HEPHL1: variants seen among roughly 807,000 people sequenced by gnomAD.
HEPHL1 encodes the protein hephaestin like 1, also known as ferroxidase HEPHL1.
In HEPHL1, 123 loss-of-function variants were observed where a neutral mutation model predicts 122.0. That is an observed-to-expected ratio of 1.01 (90% confidence interval 0.87 to 1.17). HEPHL1 has a LOEUF of 1.17. Ranked by LOEUF, HEPHL1 falls within the 50% of genes most tolerant of loss-of-function variation. HEPHL1 has a pLI of 0.00. For synonymous variants in HEPHL1, 527 were observed against 508.9 expected, an observed-to-expected ratio of 1.04 and a Z score of -0.48; for missense variants, 1,452 against 1,430.5, an observed-to-expected ratio of 1.01 and a Z score of -0.24.
intron 2 of HEPHL1, among the ~76,000 whole-genome samples, chr11:94,052,027 T>C (rs1252880488): frequency 6.6e-6 from 1 of 152,112 alleles, no homozygotes; most frequent in Non-Finnish European, 1.5e-5. Context: ...TACCATGCCA[T>C]TTGGGTTACT....
chr11:94,062,217 T>G (rs1004499116), intron 2 of HEPHL1, among the ~76,000 whole-genome samples: 2 of 152,186 alleles, frequency 1.3e-5, no homozygotes, highest in African/African-American at 4.8e-5. Flanking sequence ...CAAATTTGAC[T>G]CAAGAACATG....
intron 11 of HEPHL1, 90 bp from the exon 12 acceptor site, chr11:94,088,665 T>G (rs1021997390): frequency 2.2e-5 from 22 of 977,810 alleles, no homozygotes; most frequent in African/African-American, 8.2e-5. Flanking sequence ...CTGGTTATTT[T>G]GTAATAAAAT....
intron 2 of HEPHL1, chr11:94,055,229 G>A: frequency 3.7e-6 from 1 of 268,284 alleles, no homozygotes; most frequent in Non-Finnish European, 7.5e-6. Context: ...TTTTTCTGCT[G>A]CTCAGATTTT....
intron 9 of HEPHL1, among the ~76,000 whole-genome samples, chr11:94,080,066 C>T (rs985388647): frequency 1.3e-5 from 2 of 152,132 alleles, no homozygotes; most frequent in African/African-American, 4.8e-5. Flanking sequence ...CTACAGTAAC[C>T]AAAACAGCAT....
intron 2 of HEPHL1, among the ~76,000 whole-genome samples, chr11:94,058,593 G>T (rs890814023): frequency 6.6e-6 from 1 of 152,308 alleles, no homozygotes; most frequent in Non-Finnish European, 1.5e-5. Context: ...GCTAATGCCT[G>T]AGCCAGACCT....
rs1945742680 is a variant in HEPHL1 at position 94,038,120 on chromosome 11, G to A, written c.171-7553G>A. Among the ~76,000 whole-genome samples, 6 of 150,806 alleles carry A rather than the reference G, an allele frequency of 4.0e-5. No homozygotes were observed. The South Asian group carries it at 1.3e-3, about 32-fold the overall frequency. ...CGATCGACTGGAAGAAAGGGTATCAGCAATGGAAGATGAAATGAATGAAAT... is the reference window on the plus strand; with the variant it reads ...CGATCGACTGGAAGAAAGGGTATCAACAATGGAAGATGAAATGAATGAAAT... On this transcript the variant is annotated intron_variant, in intron 1 of 19. Transcript: ENST00000315765.
At position 94,045,931 on chromosome 11, in the gene HEPHL1, C is replaced by G; in HGVS notation, c.415+14C>G. Reference sequence around the variant, plus strand: ...AAGATTCAGAAGGTAAATATCAATCCTTTATTACTGGGGTCTTGTCTCTAT... The same window carrying G: ...AAGATTCAGAAGGTAAATATCAATCGTTTATTACTGGGGTCTTGTCTCTAT... On this transcript the variant is annotated intron_variant, in intron 2 of 19. Transcript: ENST00000315765. The G allele has an allele frequency of 1.2e-6, 2 of 1,611,754 alleles. No homozygotes were observed. The highest frequency in any genetic ancestry group is 1.7e-6 in the Non-Finnish European group (2 of 1,178,756).
intron 5 of HEPHL1, among the ~76,000 whole-genome samples, chr11:94,068,176 G>A (rs1201694230): frequency 6.6e-6 from 1 of 152,180 alleles, no homozygotes; most frequent in East Asian, 1.9e-4. Context: ...GATGAAGAAG[G>A]AAAGAAAGAC....
At chr11:94,054,412 C>T (rs2134421254) in intron 2 of HEPHL1, among the ~76,000 whole-genome samples, 1 of 150,872 alleles carries the variant, frequency 6.6e-6, no homozygotes, top group East Asian at 2.0e-4. Context: ...ATCAGGCCTA[C>T]CCATTTCAAC....
chr11:94,064,297 T>C, intron 3 of HEPHL1, 34 bp from the exon 4 acceptor site: 2 of 1,542,398 alleles, frequency 1.3e-6, no homozygotes, highest in Non-Finnish European at 1.8e-6. Flanking sequence ...TTGATTTAGT[T>C]CTTTCTCTCT....
chr11:94,065,953 G>A (rs1946030330), intron 4 of HEPHL1, among the ~76,000 whole-genome samples: 1 of 152,210 alleles, frequency 6.6e-6, no homozygotes, highest in Non-Finnish European at 1.5e-5. Flanking sequence ...AGAAGCAGGT[G>A]TGGGAGGATT....
chr11:94,023,326 G>T (rs1945597006), intron 1 of HEPHL1, among the ~76,000 whole-genome samples: 1 of 152,198 alleles, frequency 6.6e-6, no homozygotes, highest in African/African-American at 2.4e-5. Flanking sequence ...CCAAAGGCAT[G>T]TTTAGTCTCT....
At chr11:94,070,608 G>T in intron 6 of HEPHL1, 66 bp downstream of exon 6, 1 of 1,298,442 alleles carries the variant, frequency 7.7e-7, no homozygotes, top group South Asian at 1.4e-5. Context: ...CTTTCTCTGT[G>T]ATCTAATTTG....
chr11:94,031,331 TACACACAC>T (rs3058474), intron 1 of HEPHL1, among the ~76,000 whole-genome samples: 2,840 of 144,590 alleles, frequency 0.02, 87 homozygotes, highest in African/African-American at 0.058. Flanking sequence ...TGTGCATTGT[TACACACAC>T]ACACACACAC....
intron 1 of HEPHL1, among the ~76,000 whole-genome samples, chr11:94,044,881 G>T (rs1945819553): frequency 6.6e-6 from 1 of 150,532 alleles, no homozygotes. Flanking sequence ...TCCCACCTTA[G>T]CCTCCCAAAG....
chr11:94,065,172 T>C (rs905555091), intron 4 of HEPHL1, among the ~76,000 whole-genome samples: 5 of 152,178 alleles, frequency 3.3e-5, no homozygotes, highest in Non-Finnish European at 5.9e-5. Flanking sequence ...CTTAGAGAGT[T>C]CTAGTGAACA....
intron 9 of HEPHL1, among the ~76,000 whole-genome samples, chr11:94,079,865 G>T (rs1341286579): frequency 6.6e-6 from 1 of 152,128 alleles, no homozygotes. Context: ...GGCTTGGGTG[G>T]GGAGCATGTT....
At chr11:94,061,227 A>T (rs1945983496) in intron 2 of HEPHL1, among the ~76,000 whole-genome samples, 1 of 152,086 alleles carries the variant, frequency 6.6e-6, no homozygotes, top group African/African-American at 2.4e-5. Context: ...ACAAGTAGGG[A>T]TGTCAAGCAG....
intron 13 of HEPHL1, among the ~76,000 whole-genome samples, chr11:94,098,782 C>A (rs1197161590): frequency 1.3e-5 from 2 of 152,194 alleles, no homozygotes; most frequent in African/African-American, 4.8e-5. Flanking sequence ...ATCACTGATA[C>A]CCTTTCTTCC....
Sources: gnomAD v4.1 joint callset for allele counts (sites outside exome capture counted in the v4.1 genomes callset) on GRCh38, gnomAD v4.1.1 for gene constraint, MANE v1.5 for transcripts, NCBI Gene and HGNC (gene_info 2026-07-23, HGNC 2026-07-21) for gene names.